Variants in PIK3AP1 observed in about 807,000 individuals in gnomAD.
PIK3AP1 encodes phosphoinositide-3-kinase adaptor protein 1.
PIK3AP1 carries 21 observed loss-of-function variants against 88.1 expected under a neutral mutation model. The observed-to-expected ratio is 0.24, with a 90% confidence interval of 0.17 to 0.34. The LOEUF is 0.34. Ranked by LOEUF, PIK3AP1 falls within the 10% of genes least tolerant of loss-of-function variation. The pLI is 1.00. For missense variants in PIK3AP1, 828 were observed against 1,035.7 expected, an observed-to-expected ratio of 0.80 and a Z score of 2.75; for synonymous variants, 398 against 400.0, an observed-to-expected ratio of 1.00 and a Z score of 0.06.
chr10:96,710,794 G>A (rs1215658527), intron 1 of PIK3AP1, among the ~76,000 whole-genome samples: 1 of 152,122 alleles, frequency 6.6e-6, no homozygotes, highest in Non-Finnish European at 1.5e-5. Flanking sequence ...AGGTGTGACA[G>A]GTTAAGTAAT....
At chr10:96,710,010 T>C (rs1441818977) in intron 1 of PIK3AP1, 27 bp from the exon 2 acceptor site, 2 of 1,548,494 alleles carry the variant, frequency 1.3e-6, no homozygotes, top group African/African-American at 2.7e-5. Flanking sequence ...CACAGAAGCA[T>C]GTTAGCACAC....
chr10:96,609,656 G>C (rs1849068606), intron 14 of PIK3AP1, 56 bp downstream of exon 14: 1 of 1,578,554 alleles, frequency 6.3e-7, no homozygotes, highest in African/African-American at 1.4e-5. Context: ...AAGGTCCAAG[G>C]GTGCCAGCTG....
chr10:96,665,767 A>G (rs118126254), intron 2 of PIK3AP1, among the ~76,000 whole-genome samples: 1,924 of 152,284 alleles, frequency 0.013, 12 homozygotes, highest in Non-Finnish European at 0.021. Context: ...GTTACTGAGG[A>G]AAGAAGGGGG....
chr10:96,690,145 G>C (rs970787900), intron 2 of PIK3AP1, among the ~76,000 whole-genome samples: 9 of 152,128 alleles, frequency 5.9e-5, no homozygotes, highest in Non-Finnish European at 1.0e-4. Context: ...TCTTCTTTAG[G>C]AAGACAGCAA....
At chr10:96,596,330 T>A (rs1004769775) in intron 16 of PIK3AP1, among the ~76,000 whole-genome samples, 1 of 152,198 alleles carries the variant, frequency 6.6e-6, no homozygotes, top group Non-Finnish European at 1.5e-5. Flanking sequence ...TTGTCCACAT[T>A]TTCCCCTGCT....
chr10:96,658,986 A>G (rs1463580392), intron 2 of PIK3AP1, among the ~76,000 whole-genome samples: 1 of 151,896 alleles, frequency 6.6e-6, no homozygotes, highest in Non-Finnish European at 1.5e-5. Flanking sequence ...GCCCTTCCCC[A>G]CACCCTTCTC....
At chr10:96,700,531 C>T (rs1239662651) in intron 2 of PIK3AP1, among the ~76,000 whole-genome samples, 2 of 152,184 alleles carry the variant, frequency 1.3e-5, no homozygotes, top group Non-Finnish European at 2.9e-5. Flanking sequence ...ACTATCCCAG[C>T]TGGGTATCTT....
Position 96,709,808 on chromosome 10 carries a change from G to T in PIK3AP1, c.189C>A (p.Ser63Arg), listed in dbSNP as rs777349754. Residue 63 changes from serine to arginine, a missense_variant, in exon 2 of 17, where the codon AGC (serine) becomes AGA (arginine). Around this residue, in one of 3 missense-constraint regions of PIK3AP1, gnomAD observed 610 missense variants for 760.1 expected, o/e 0.80. Coordinates refer to ENST00000339364, the MANE Select transcript of PIK3AP1 (RefSeq NM_152309.3). ...FSAEDLSLFL[S>R]TRCVVVLLSA... ...ACAGCAGCACCACGACACAGCGGGTGCTGAGGAAAAGGCTTAGGTCCTCTG... is the reference window on the plus strand; with the variant it reads ...ACAGCAGCACCACGACACAGCGGGTTCTGAGGAAAAGGCTTAGGTCCTCTG... 5 of 1,613,720 alleles carry T rather than the reference G, an allele frequency of 3.1e-6. No individual in the cohort carries two copies. The South Asian group carries it at 5.5e-5, about 18-fold the overall frequency.
intron 7 of PIK3AP1, among the ~76,000 whole-genome samples, chr10:96,648,432 C>T (rs570729904): frequency 1.5e-4 from 23 of 152,322 alleles, no homozygotes; most frequent in African/African-American, 4.6e-4. Context: ...AGAGAGGATA[C>T]GTGACTTACC....
At chr10:96,685,264 T>C (rs1250320336) in intron 2 of PIK3AP1, among the ~76,000 whole-genome samples, 1 of 152,152 alleles carries the variant, frequency 6.6e-6, no homozygotes, top group Non-Finnish European at 1.5e-5. Flanking sequence ...GTCATCAAAT[T>C]CAAGATGCAC....
intron 2 of PIK3AP1, among the ~76,000 whole-genome samples, chr10:96,684,151 T>A (rs938481536): frequency 4.6e-5 from 7 of 152,226 alleles, no homozygotes; most frequent in Non-Finnish European, 1.0e-4. Context: ...TTAGGCATTG[T>A]GTAGAGCAAA....
chr10:96,623,355 G>T, intron 11 of PIK3AP1, 117 bp downstream of exon 11: 1 of 1,012,786 alleles, frequency 9.9e-7, no homozygotes, highest in Non-Finnish European at 1.5e-6. Flanking sequence ...GAGCCATGAT[G>T]CCTGGCCTAG....
At chr10:96,664,611 C>G (rs1335890564) in intron 2 of PIK3AP1, among the ~76,000 whole-genome samples, 1 of 152,188 alleles carries the variant, frequency 6.6e-6, no homozygotes, top group African/African-American at 2.4e-5. Flanking sequence ...AAGAGCCCAG[C>G]TTGACACAAA....
intron 2 of PIK3AP1, among the ~76,000 whole-genome samples, chr10:96,689,525 G>A (rs971612078): frequency 1.5e-5 from 2 of 133,488 alleles, no homozygotes; most frequent in African/African-American, 5.8e-5. Context: ...AGCCAAGATC[G>A]CACCACTGCA....
intron 1 of PIK3AP1, among the ~76,000 whole-genome samples, chr10:96,711,698 G>C (rs1341842289): frequency 7.1e-6 from 1 of 140,292 alleles, no homozygotes; most frequent in Non-Finnish European, 1.5e-5. Flanking sequence ...TACAATGCAA[G>C]CCCAACATAG....
At chr10:96,621,725 A>C (rs1185576611) in intron 11 of PIK3AP1, 1 of 152,272 alleles carries the variant, frequency 6.6e-6, no homozygotes, top group Non-Finnish European at 1.5e-5. Flanking sequence ...TTTCTTGAAG[A>C]AGCAGCCAAG....
intron 13 of PIK3AP1, among the ~76,000 whole-genome samples, chr10:96,612,542 T>A (rs1309359541): frequency 6.6e-6 from 1 of 152,190 alleles, no homozygotes; most frequent in African/African-American, 2.4e-5. Context: ...TTTCCTATAA[T>A]GTTATCGTGT....
At chr10:96,677,439 CA>C (rs1843938772) in intron 2 of PIK3AP1, among the ~76,000 whole-genome samples, 1 of 152,086 alleles carries the variant, frequency 6.6e-6, no homozygotes, top group African/African-American at 2.4e-5. Flanking sequence ...TTGGGTGAGC[CA>C]CTTCCCCTGG....
chr10:96,637,497 C>T (rs1472242108), intron 8 of PIK3AP1, among the ~76,000 whole-genome samples: 1 of 152,070 alleles, frequency 6.6e-6, no homozygotes, highest in Non-Finnish European at 1.5e-5. Context: ...TACAGGCATG[C>T]ACCACCATGC....
Sources: gnomAD v4.1 joint callset for allele counts (sites outside exome capture counted in the v4.1 genomes callset) on GRCh38, gnomAD v4.1.1 for gene constraint, gnomAD v4.1.1 regional missense constraint, MANE v1.5 for transcripts, NCBI Gene and HGNC (gene_info 2026-07-23, HGNC 2026-07-21) for gene names.